Variants in PDE4D observed in about 807,000 individuals in gnomAD.
PDE4D encodes the protein 3',5'-cyclic-AMP phosphodiesterase 4D.
Under a neutral mutation model 87.4 loss-of-function variants are expected in PDE4D, and 24 were observed. That is an observed-to-expected ratio of 0.27 (90% CI 0.20 to 0.39). PDE4D has a LOEUF of 0.39. Ranked by LOEUF, PDE4D falls within the 10% of genes least tolerant of loss-of-function variation. PDE4D has a pLI of 1.00. For synonymous variants in PDE4D, 384 were observed against 383.2 expected (o/e 1.00, Z -0.02); for missense variants, 714 against 1,041.0 (o/e 0.69, Z 4.32).
At chr5:59,113,066 G>A (rs1379655662) in intron 5 of PDE4D, among the ~76,000 whole-genome samples, 2 of 151,658 alleles carry the variant, frequency 1.3e-5, no homozygotes, top group Non-Finnish European at 2.9e-5. Context: ...CTCCCAAAGT[G>A]TCTACCCTTC....
At chr5:59,607,648 G>T (rs1468056400) in intron 1 of PDE4D, among the ~76,000 whole-genome samples, 1 of 152,052 alleles carries the variant, frequency 6.6e-6, no homozygotes, top group African/African-American at 2.4e-5. Context: ...TGTCAGTAGA[G>T]GAGGCAGCAG....
chr5:59,231,787 G>GT (rs1471252304), intron 1 of PDE4D, among the ~76,000 whole-genome samples: 1 of 152,076 alleles, frequency 6.6e-6, no homozygotes, highest in African/African-American at 2.4e-5. Flanking sequence ...CTTCATTTAG[G>GT]TTTTTTGTTT....
chr5:59,251,046 T>TA (rs1417479263), intron 1 of PDE4D, among the ~76,000 whole-genome samples: 1 of 152,152 alleles, frequency 6.6e-6, no homozygotes, highest in East Asian at 1.9e-4. Flanking sequence ...ATTAAAGACT[T>TA]AAATATAAAA....
intron 1 of PDE4D, among the ~76,000 whole-genome samples, chr5:59,716,276 C>T (rs985361296): frequency 2.0e-5 from 3 of 152,196 alleles, no homozygotes; most frequent in South Asian, 2.1e-4. Flanking sequence ...GGTACAACTA[C>T]GCTGCTGACG....
chr5:60,484,889 G>A (rs533731363), intron 1 of PDE4D, among the ~76,000 whole-genome samples: 1 of 152,144 alleles, frequency 6.6e-6, no homozygotes, highest in Non-Finnish European at 1.5e-5. Flanking sequence ...TTCTCATTGT[G>A]ATGTGGATAT....
At chr5:59,433,533 G>C (rs1796399867) in intron 1 of PDE4D, among the ~76,000 whole-genome samples, 1 of 151,924 alleles carries the variant, frequency 6.6e-6, no homozygotes, top group Non-Finnish European at 1.5e-5. Flanking sequence ...AGGTAGTTGG[G>C]GACTTGATCT....
chr5:59,145,911 G>A (rs192814665), intron 5 of PDE4D, among the ~76,000 whole-genome samples: 6 of 152,252 alleles, frequency 3.9e-5, no homozygotes, highest in Non-Finnish European at 7.4e-5. Flanking sequence ...TGGATCACCC[G>A]AGTTCAGGAG....
At chr5:59,505,900 A>T (rs1031908528) in intron 1 of PDE4D, among the ~76,000 whole-genome samples, 3 of 152,200 alleles carry the variant, frequency 2.0e-5, no homozygotes, top group African/African-American at 7.2e-5. Context: ...TAGATGAAAT[A>T]TATAAAAACA....
intron 2 of PDE4D, among the ~76,000 whole-genome samples, chr5:60,027,249 C>CTAG (rs985028346): frequency 6.6e-6 from 1 of 152,116 alleles, no homozygotes; most frequent in Non-Finnish European, 1.5e-5. Flanking sequence ...CTTGGAGTCT[C>CTAG]TAGTGTCTAT....
At chr5:59,834,698 T>C (rs1480993548) in intron 1 of PDE4D, among the ~76,000 whole-genome samples, 1 of 152,086 alleles carries the variant, frequency 6.6e-6, no homozygotes, top group Non-Finnish European at 1.5e-5. Flanking sequence ...CCAGTAAGGC[T>C]TGTGAAAATC....
chr5:59,895,366 A>T (rs905096367), upstream of PDE4D, among the ~76,000 whole-genome samples: 31 of 152,220 alleles, frequency 2.0e-4, no homozygotes, highest in African/African-American at 7.5e-4. Context: ...CATCAGTTTA[A>T]TATGAGCCCT....
intron 1 of PDE4D, among the ~76,000 whole-genome samples, chr5:59,667,500 T>C (rs1746278085): frequency 1.3e-5 from 2 of 152,144 alleles, no homozygotes; most frequent in African/African-American, 4.8e-5. Flanking sequence ...ACTACTTGCA[T>C]GGTCTGCTTG....
At chr5:59,898,982 C>T (rs879873392) in intron 3 of PDE4D, among the ~76,000 whole-genome samples, 1 of 151,896 alleles carries the variant, frequency 6.6e-6, no homozygotes, top group Non-Finnish European at 1.5e-5. Context: ...AAGCATTTGC[C>T]CAAACTAGAA....
At chr5:59,992,150 C>A (rs757502769) in intron 2 of PDE4D, among the ~76,000 whole-genome samples, 4 of 152,166 alleles carry the variant, frequency 2.6e-5, no homozygotes, top group Admixed American at 6.6e-5. Context: ...ACTCTTGGAC[C>A]TACACAAGTG....
At position 59,613,451 on chromosome 5, in the gene PDE4D, T is replaced by G. The variant is rs186010323; in HGVS notation, c.455+279717A>C. Among the ~76,000 whole-genome samples, 16 of 152,276 alleles carry G rather than the reference T, an allele frequency of 1.1e-4. No homozygotes were observed. The East Asian group carries it at 2.9e-3, about 28-fold the overall frequency. On this transcript the variant is annotated intron_variant, in intron 1 of 14. Coordinates refer to ENST00000340635, the MANE Select transcript of PDE4D (RefSeq NM_001104631.2). ...GGTAGAGACTTGACAAACAATGGCATATAGACTTTGAAGTCTTGTGATTAG... is the reference window on the plus strand; with the variant it reads ...GGTAGAGACTTGACAAACAATGGCAGATAGACTTTGAAGTCTTGTGATTAG...
At chr5:60,061,768 T>A (rs1771436100) in intron 2 of PDE4D, among the ~76,000 whole-genome samples, 1 of 152,068 alleles carries the variant, frequency 6.6e-6, no homozygotes, top group East Asian at 1.9e-4. Context: ...ACCTCAGATA[T>A]AAGACCATCT....
intron 2 of PDE4D, among the ~76,000 whole-genome samples, chr5:60,166,281 A>G (rs1782893740): frequency 6.6e-6 from 1 of 152,136 alleles, no homozygotes; most frequent in African/African-American, 2.4e-5. Flanking sequence ...TTCTTAGTAG[A>G]GACGAGGTTT....
chr5:59,316,233 GAAT>G (rs1488587265), intron 1 of PDE4D, among the ~76,000 whole-genome samples: 1 of 152,138 alleles, frequency 6.6e-6, no homozygotes, highest in African/African-American at 2.4e-5. Flanking sequence ...TCTGAGTTTG[GAAT>G]TGGAATCGGT....
chr5:59,394,049 G>A (rs1046956256), intron 1 of PDE4D, among the ~76,000 whole-genome samples: 1 of 152,182 alleles, frequency 6.6e-6, no homozygotes, highest in African/African-American at 2.4e-5. Context: ...TCGATTGAAG[G>A]TGTCATCAGG....
Sources: allele counts gnomAD v4.1 joint callset (sites outside exome capture counted in the v4.1 genomes callset), GRCh38; gene constraint gnomAD v4.1.1; transcripts MANE v1.5; gene names NCBI Gene and HGNC (gene_info 2026-07-23, HGNC 2026-07-21).